The following CNTN3 variants were observed in gnomAD, a reference collection of about 807,000 sequenced individuals.
CNTN3 encodes the protein contactin-3.
Under a neutral mutation model 119.1 loss-of-function variants are expected in CNTN3, and 60 were observed. That is an observed-to-expected ratio of 0.50 (90% CI 0.41 to 0.62). The LOEUF (loss-of-function observed/expected upper bound fraction) is 0.62, where lower values mean the gene tolerates loss of function less well. CNTN3 is among the 20% of genes least tolerant of loss of function. The pLI is 0.00. For synonymous variants in CNTN3, 450 were observed against 438.7 expected, an observed-to-expected ratio of 1.03 and a Z score of -0.32; for missense variants, 1,101 against 1,242.4, an observed-to-expected ratio of 0.89 and a Z score of 1.71.
At chr3:74,298,582 G>C (rs1222981702) in intron 17 of CNTN3, among the ~76,000 whole-genome samples, 1 of 142,188 alleles carries the variant, frequency 7.0e-6, no homozygotes, top group Non-Finnish European at 1.5e-5. Flanking sequence ...TGGTGATTAA[G>C]AACAATTAAG....
At chr3:74,284,080 C>A (rs991502298) in intron 20 of CNTN3, among the ~76,000 whole-genome samples, 13 of 152,140 alleles carry the variant, frequency 8.5e-5, no homozygotes, top group South Asian at 8.3e-4. Context: ...ACACAAACTT[C>A]TTTAATCAAA....
chr3:74,353,112 C>T (rs979951682), intron 11 of CNTN3, among the ~76,000 whole-genome samples: 2 of 152,044 alleles, frequency 1.3e-5, no homozygotes, highest in African/African-American at 4.8e-5. Flanking sequence ...AGACACATTC[C>T]TTTGGCAAAG....
chr3:74,395,817 T>G (rs1415062464), intron 5 of CNTN3, among the ~76,000 whole-genome samples: 1 of 152,116 alleles, frequency 6.6e-6, no homozygotes, highest in Non-Finnish European at 1.5e-5. Flanking sequence ...CTAAGTCCAT[T>G]GGCACCATTT....
intron 5 of CNTN3, among the ~76,000 whole-genome samples, chr3:74,394,454 G>C (rs6778116): frequency 0.014 from 2,159 of 152,172 alleles, 43 homozygotes; most frequent in African/African-American, 0.049. Context: ...TATCATTCCA[G>C]TGACATCAAG....
Position 74,535,213 on chromosome 3 carries a change from T to A in CNTN3, c.-80-14021A>T, listed in dbSNP as rs996849389. 3.3e-5 allele frequency among the ~76,000 whole-genome samples: 5 copies of A among 152,210 alleles called. No homozygotes were observed. In the East Asian group the frequency reaches 9.7e-4, roughly 30 times the overall value. On this transcript the variant is annotated intron_variant, in intron 1 of 22. Transcript: ENST00000263665. Reference sequence around the variant, plus strand: ...TTTTGACACCTTTTTGAAATGCTAATCATGGCTATGAATAGTTATCTGCTT... The same window carrying A: ...TTTTGACACCTTTTTGAAATGCTAAACATGGCTATGAATAGTTATCTGCTT...
intron 2 of CNTN3, among the ~76,000 whole-genome samples, chr3:74,518,351 G>A (rs1703485773): frequency 6.6e-6 from 1 of 151,896 alleles, no homozygotes; most frequent in African/African-American, 2.4e-5. Flanking sequence ...TGCAATAGAG[G>A]GGATGATTTG....
chr3:74,369,749 C>T, intron 7 of CNTN3, 140 bp downstream of exon 7: 1 of 578,910 alleles, frequency 1.7e-6, no homozygotes, highest in Non-Finnish European at 3.1e-6. Context: ...ATGTGCATTT[C>T]CCCTGCATTT....
rs1053514026 is a variant in CNTN3 at position 74,275,638 on chromosome 3, T to C, written c.2705-8260A>G. Among the ~76,000 whole-genome samples, 3 of 151,822 alleles carry C rather than the reference T, an allele frequency of 2.0e-5. No homozygotes were observed. The South Asian group carries it at 6.3e-4, about 32-fold the overall frequency. ...AAGGAGCTCTAAATCTTGAAGCAAA[T>C]CCTGGAAACGCATCAAAACAGAACC... On this transcript the variant is annotated intron_variant, in intron 20 of 22. Coordinates refer to ENST00000263665, the MANE Select transcript of CNTN3 (RefSeq NM_020872.3).
intron 1 of CNTN3, among the ~76,000 whole-genome samples, chr3:74,555,175 T>C (rs778866076): frequency 6.6e-6 from 1 of 152,332 alleles, no homozygotes; most frequent in East Asian, 1.9e-4. Flanking sequence ...GGTAATCATG[T>C]GGTTTTTGTC....
chr3:74,406,540 T>TG (rs1705327487), intron 5 of CNTN3, among the ~76,000 whole-genome samples: 1 of 144,642 alleles, frequency 6.9e-6, no homozygotes, highest in African/African-American at 2.6e-5. Context: ...GAACTATGTG[T>TG]TTTTTTTTTT....
intron 20 of CNTN3, among the ~76,000 whole-genome samples, chr3:74,277,575 T>G (rs142406699): frequency 0.023 from 3,489 of 152,236 alleles, 136 homozygotes; most frequent in African/African-American, 0.08. Context: ...CATCCCTTTA[T>G]GATTAAAACC....
At chr3:74,408,892 CCTT>C (rs1308369591) in intron 5 of CNTN3, among the ~76,000 whole-genome samples, 1 of 152,094 alleles carries the variant, frequency 6.6e-6, no homozygotes, top group Non-Finnish European at 1.5e-5. Context: ...TAACTAGTAT[CCTT>C]CTGGAACTAA....
chr3:74,567,314 A>AT (rs67671839), intron 1 of CNTN3, among the ~76,000 whole-genome samples: 4 of 82,750 alleles, frequency 4.8e-5, no homozygotes, highest in African/African-American at 1.9e-4. Context: ...CAAATTTTTA[A>AT]TTTTTTTTTT....
intron 1 of CNTN3, among the ~76,000 whole-genome samples, chr3:74,542,378 C>G (rs1393168148): frequency 6.6e-6 from 1 of 152,030 alleles, no homozygotes; most frequent in Non-Finnish European, 1.5e-5. Context: ...GAAAATGAAC[C>G]TAGAAGCAAC....
At chr3:74,566,277 C>T (rs1252791311) in intron 1 of CNTN3, among the ~76,000 whole-genome samples, 1 of 152,124 alleles carries the variant, frequency 6.6e-6, no homozygotes, top group Non-Finnish European at 1.5e-5. Flanking sequence ...AATTTAGCAA[C>T]AGCTGAGAGC....
At chr3:74,459,950 C>G (rs1456479563) in intron 4 of CNTN3, among the ~76,000 whole-genome samples, 1 of 151,992 alleles carries the variant, frequency 6.6e-6, no homozygotes, top group Non-Finnish European at 1.5e-5. Flanking sequence ...TTATTGCACA[C>G]AGTGGTTTCA....
intron 13 of CNTN3, among the ~76,000 whole-genome samples, chr3:74,322,800 A>G (rs1703028079): frequency 6.6e-6 from 1 of 152,228 alleles, no homozygotes; most frequent in African/African-American, 2.4e-5. Flanking sequence ...ATACTGGGAT[A>G]TTATTCAGCA....
intron 2 of CNTN3, among the ~76,000 whole-genome samples, chr3:74,513,655 A>G (rs1703405812): frequency 6.6e-6 from 1 of 151,962 alleles, no homozygotes. Flanking sequence ...AAAAAAAAAA[A>G]AGAGCAGCTT....
At chr3:74,543,331 G>A (rs531475461) in intron 1 of CNTN3, among the ~76,000 whole-genome samples, 1 of 152,286 alleles carries the variant, frequency 6.6e-6, no homozygotes, top group East Asian at 1.9e-4. Context: ...GATGGGAACA[G>A]GTCTTCTGAG....
Sources: allele counts gnomAD v4.1 joint callset (sites outside exome capture counted in the v4.1 genomes callset), GRCh38; gene constraint gnomAD v4.1.1; transcripts MANE v1.5; gene names NCBI Gene and HGNC (gene_info 2026-07-23, HGNC 2026-07-21).